CACNG2: variants seen among roughly 807,000 people sequenced by gnomAD.
The protein encoded by CACNG2 is calcium voltage-gated channel auxiliary subunit gamma 2.
CACNG2 carries 3 observed loss-of-function variants against 25.9 expected under a neutral mutation model. The ratio of observed to expected loss-of-function variants is 0.12; its 90% confidence interval spans 0.05 to 0.30. CACNG2 has a LOEUF of 0.30. Ranked by LOEUF, CACNG2 falls within the 10% of genes least tolerant of loss-of-function variation. The pLI, the probability that CACNG2 is intolerant of heterozygous loss-of-function variation, is 1.00. For synonymous variants in CACNG2, 167 were observed against 173.3 expected, an observed-to-expected ratio of 0.96 and a Z score of 0.29; for missense variants, 341 against 432.5, an observed-to-expected ratio of 0.79 and a Z score of 1.88.
intron 1 of CACNG2, among the ~76,000 whole-genome samples, chr22:36,643,466 A>ATCTGTCTGTCTG (rs60854802): frequency 0.013 from 1,937 of 144,562 alleles, 15 homozygotes; most frequent in Middle Eastern, 0.042. Flanking sequence ...ATCTACATCT[A>ATCTGTCTGTCTG]TCTGTCTGTC....
chr22:36,679,402 A>G (rs1369892901), intron 1 of CACNG2, among the ~76,000 whole-genome samples: 1 of 152,122 alleles, frequency 6.6e-6, no homozygotes, highest in African/African-American at 2.4e-5. Flanking sequence ...TGGAGAGGTT[A>G]TAGGAGATGG....
intron 1 of CACNG2, among the ~76,000 whole-genome samples, chr22:36,625,659 T>A (rs1936173326): frequency 1.3e-5 from 2 of 152,274 alleles, no homozygotes; most frequent in South Asian, 4.1e-4. Context: ...ATGCTTTGTC[T>A]GACTTGATAA....
intron 1 of CACNG2, among the ~76,000 whole-genome samples, chr22:36,661,173 A>G (rs1936788367): frequency 1.3e-5 from 2 of 152,124 alleles, no homozygotes; most frequent in African/African-American, 4.8e-5. Flanking sequence ...CAGTCTCTAG[A>G]GGAGTCCGGA....
chr22:36,687,571 G>A (rs754242731), intron 1 of CACNG2, among the ~76,000 whole-genome samples: 1 of 152,172 alleles, frequency 6.6e-6, no homozygotes. Context: ...CCCTGTGGTC[G>A]GCAGAATAAC....
chr22:36,629,467 G>T (rs1936234686), intron 1 of CACNG2, among the ~76,000 whole-genome samples: 1 of 151,898 alleles, frequency 6.6e-6, no homozygotes, highest in African/African-American at 2.4e-5. Flanking sequence ...TGTTATTGTG[G>T]GAGATAGAGG....
intron 1 of CACNG2, among the ~76,000 whole-genome samples, chr22:36,603,392 G>A (rs1422382733): frequency 1.3e-5 from 2 of 152,228 alleles, no homozygotes; most frequent in African/African-American, 4.8e-5. Flanking sequence ...AGTGCTGATG[G>A]AGAAGCTGCA....
At chr22:36,669,532 A>C (rs1936920792) in intron 1 of CACNG2, among the ~76,000 whole-genome samples, 1 of 142,076 alleles carries the variant, frequency 7.0e-6, no homozygotes, top group Non-Finnish European at 1.6e-5. Flanking sequence ...AAAAAAAAAA[A>C]AGAACATCTT....
At chr22:36,683,427 C>T (rs1452858345) in intron 1 of CACNG2, among the ~76,000 whole-genome samples, 1 of 152,210 alleles carries the variant, frequency 6.6e-6, no homozygotes, top group Admixed American at 6.5e-5. Flanking sequence ...CCTGCATTCT[C>T]TCTGACCCAG....
chr22:36,666,002 G>T, intron 1 of CACNG2, among the ~76,000 whole-genome samples: 1 of 152,184 alleles, frequency 6.6e-6, no homozygotes, highest in East Asian at 1.9e-4. Context: ...AAGCAAAACT[G>T]GGTATATACA....
chr22:36,580,697 CA>C (rs1935400590), intron 2 of CACNG2, among the ~76,000 whole-genome samples: 1 of 152,154 alleles, frequency 6.6e-6, no homozygotes. Flanking sequence ...TGAGTGGCCA[CA>C]ATAGAGTGGA....
intron 1 of CACNG2, among the ~76,000 whole-genome samples, chr22:36,620,455 T>A (rs1411059924): frequency 6.6e-6 from 1 of 152,220 alleles, no homozygotes; most frequent in African/African-American, 2.4e-5. Flanking sequence ...TATTTTTTCC[T>A]TTCCTTCAAA....
intron 1 of CACNG2, among the ~76,000 whole-genome samples, chr22:36,593,701 G>A (rs1273085689): frequency 6.6e-6 from 1 of 152,142 alleles, no homozygotes; most frequent in Non-Finnish European, 1.5e-5. Flanking sequence ...AGGGACAAGT[G>A]ATGAGTAGGG....
chr22:36,673,188 T>C (rs1936975779), intron 1 of CACNG2, among the ~76,000 whole-genome samples: 1 of 152,194 alleles, frequency 6.6e-6, no homozygotes, highest in African/African-American at 2.4e-5. Flanking sequence ...ATTGTGCCAC[T>C]GCACTCCAGC....
chr22:36,646,384 C>T (rs970023631), intron 1 of CACNG2, among the ~76,000 whole-genome samples: 2 of 152,108 alleles, frequency 1.3e-5, no homozygotes, highest in South Asian at 2.1e-4. Flanking sequence ...ACCTTGTCTG[C>T]GAGCTGTTCA....
chr22:36,670,553 G>A (rs1271441375), intron 1 of CACNG2, among the ~76,000 whole-genome samples: 1 of 152,098 alleles, frequency 6.6e-6, no homozygotes, highest in Non-Finnish European at 1.5e-5. Flanking sequence ...GCACCTCCAG[G>A]GCAGTGTTCT....
At chr22:36,594,154 C>T (rs1337220968) in intron 1 of CACNG2, among the ~76,000 whole-genome samples, 3 of 152,150 alleles carry the variant, frequency 2.0e-5, no homozygotes, top group Admixed American at 1.3e-4. Context: ...ACTTTCCTCC[C>T]AACTAGCTTC....
intron 1 of CACNG2, among the ~76,000 whole-genome samples, chr22:36,694,072 T>C (rs2146017401): frequency 6.6e-6 from 1 of 152,348 alleles, no homozygotes; most frequent in African/African-American, 2.4e-5. Context: ...CATTCTGCTC[T>C]ATGCTGCTTC....
At chr22:36,683,688 G>T (rs1937157857) in intron 1 of CACNG2, among the ~76,000 whole-genome samples, 1 of 152,132 alleles carries the variant, frequency 6.6e-6, no homozygotes, top group South Asian at 2.1e-4. Context: ...CTAGGGTGGA[G>T]AAAGAAATTC....
At chr22:36,604,813 G>A (rs760041317) in intron 1 of CACNG2, among the ~76,000 whole-genome samples, 1 of 152,068 alleles carries the variant, frequency 6.6e-6, no homozygotes, top group Admixed American at 6.5e-5. Flanking sequence ...AATCTCACTC[G>A]GTCACCCAGG....
Sources: gnomAD v4.1 joint callset for allele counts (sites outside exome capture counted in the v4.1 genomes callset) on GRCh38, gnomAD v4.1.1 for gene constraint, MANE v1.5 for transcripts, NCBI Gene and HGNC (gene_info 2026-07-23, HGNC 2026-07-21) for gene names.